Variants in TEAD4 observed in about 807,000 individuals in gnomAD.
TEAD4 encodes the protein transcriptional enhancer factor TEF-3.
In TEAD4, 36 loss-of-function variants were observed where a neutral mutation model predicts 52.4. The ratio of observed to expected loss-of-function variants is 0.69; its 90% CI spans 0.53 to 0.91. The LOEUF is 0.91. TEAD4 is among the 40% of genes least tolerant of loss of function. The pLI, the probability that TEAD4 is intolerant of heterozygous loss-of-function variation, is 0.00. For synonymous variants in TEAD4, 220 were observed against 231.0 expected, an observed-to-expected ratio of 0.95 and a Z score of 0.43; for missense variants, 508 against 583.9, an observed-to-expected ratio of 0.87 and a Z score of 1.34.
chr12:2,989,652 C>T (rs1380122983), intron 2 of TEAD4, among the ~76,000 whole-genome samples: 1 of 152,122 alleles, frequency 6.6e-6, no homozygotes, highest in Non-Finnish European at 1.5e-5. Flanking sequence ...GTTGCCCAGG[C>T]TGGTCTCAAA....
chr12:2,977,174 C>CT (rs1273335325), intron 2 of TEAD4, among the ~76,000 whole-genome samples: 2 of 152,280 alleles, frequency 1.3e-5, no homozygotes, highest in Non-Finnish European at 1.5e-5. Context: ...TGGGAGGACA[C>CT]TGAGGATTAG....
chr12:3,019,360 C>T (rs1406821637), intron 8 of TEAD4, among the ~76,000 whole-genome samples, 190 bp downstream of exon 8: 1 of 152,230 alleles, frequency 6.6e-6, no homozygotes, highest in Non-Finnish European at 1.5e-5. Flanking sequence ...AGCCGTGTGC[C>T]AAGCCCCTTC....
chr12:3,018,433 C>T, intron 6 of TEAD4, 112 bp from the exon 7 acceptor site: 1 of 1,297,264 alleles, frequency 7.7e-7, no homozygotes, highest in Non-Finnish European at 1.1e-6. Context: ...AGGCCTCGGG[C>T]TCCAGCCTCT....
At chr12:3,030,741 C>T (rs1270412238) in intron 10 of TEAD4, among the ~76,000 whole-genome samples, 1 of 152,126 alleles carries the variant, frequency 6.6e-6, no homozygotes, top group East Asian at 1.9e-4. Flanking sequence ...ATGGGGTGAC[C>T]TGTGTGCCAC....
In TEAD4 at chr12:2,960,332, C is replaced by A. The variant is rs897422294; in HGVS notation, c.-30+292C>A. 1.6e-5 allele frequency: 16 copies of A among 985,376 alleles called. No individual in the cohort carries two copies. In the African/African-American group the frequency reaches 2.6e-4, roughly 16 times the overall value. 61.0% of individuals were successfully genotyped at this position (985,376 alleles called of 1,614,324 possible). On this transcript the variant is annotated intron_variant, in intron 2 of 12. Transcript: ENST00000359864. The stretch of plus-strand genomic sequence containing the variant: ...TCTTTTCTGCTGGGCCCTTTTCGAG[C>A]CTGGAAGGGAGAGACCTGGAGGTAA...
In TEAD4 at chr12:2,978,402, T is replaced by G. The variant is rs923988227; in HGVS notation, c.-29-16336T>G. ...TTTTTTTTTTTTGTCTTTTTGTTTT[T>G]TTTTGTTTTGTTTTGTTTTGAGAGG... On this transcript the variant is annotated intron_variant, in intron 2 of 12. Coordinates refer to ENST00000359864, the MANE Select transcript of TEAD4 (RefSeq NM_003213.4). Among the ~76,000 whole-genome samples, 102 of 152,012 alleles carry G rather than the reference T, an allele frequency of 6.7e-4. 3 individuals carry two copies. Among genetic ancestry groups the G allele is most frequent in the Admixed American group, 3.9e-3 (59 of 15,264 alleles).
At chr12:3,037,051 G>A (rs2098279869) in intron 10 of TEAD4, among the ~76,000 whole-genome samples, 1 of 152,202 alleles carries the variant, frequency 6.6e-6, no homozygotes, top group African/African-American at 2.4e-5. Flanking sequence ...TTCTAGAAGG[G>A]AAGTTTCAGA....
At chr12:3,022,164 T>A in intron 10 of TEAD4, 147 bp downstream of exon 10, 1 of 1,125,470 alleles carries the variant, frequency 8.9e-7, no homozygotes, top group Admixed American at 2.4e-5. Flanking sequence ...CCAGCATGGC[T>A]ATGGGATGGT....
At chr12:2,962,365 C>T (rs112640780) in intron 2 of TEAD4, among the ~76,000 whole-genome samples, 1,372 of 47,672 alleles carry the variant, frequency 0.029, 32 homozygotes, top group African/African-American at 0.06. Context: ...GATGGAGTTT[C>T]GCTCTTGTTG....
chr12:3,017,447 C>T lies in TEAD4; in HGVS notation c.404C>T (p.Ser135Phe), dbSNP rs2098265393. 4 of 1,614,204 alleles carry T rather than the reference C, an allele frequency of 2.5e-6. No individual in the cohort carries two copies. The highest frequency in any genetic ancestry group is 3.4e-6 in the Non-Finnish European group (4 of 1,180,044). Residue 135 changes from serine (S) to phenylalanine (F), a missense_variant, in exon 6 of 13, where the codon TCT becomes TTT. Ser to Phe is a radical substitution (Grantham distance 155). Transcript: ENST00000359864. The stretch of plus-strand genomic sequence containing the variant: ...CTGCAGAGCATGGCTGCCATGTCGT[C>T]TGCACAGATCATCTCCGCCACGGCC...
At chr12:2,961,179 C>A in intron 2 of TEAD4, among the ~76,000 whole-genome samples, 1 of 151,988 alleles carries the variant, frequency 6.6e-6, no homozygotes, top group East Asian at 1.9e-4. Context: ...TTTTAAGTTG[C>A]CCTCAAGGAC....
Position 2,986,042 on chromosome 12 carries a change from C to T in TEAD4, c.-29-8696C>T, listed in dbSNP as rs184605820. On this transcript the variant is annotated intron_variant, in intron 2 of 12. Transcript: ENST00000359864. ...CAGAGGTTGCAGTGAGCTGAGATCG[C>T]GTCACTGCATTCCAGCCTGGGGAAC... 3.8e-4 allele frequency among the ~76,000 whole-genome samples: 57 copies of T among 151,886 alleles called. No homozygotes were observed. The South Asian group carries it at 9.4e-3, about 25-fold the overall frequency.
chr12:3,034,848 C>T (rs139433063), intron 10 of TEAD4, among the ~76,000 whole-genome samples: 1 of 152,256 alleles, frequency 6.6e-6, no homozygotes, highest in African/African-American at 2.4e-5. Flanking sequence ...AATCCCAACA[C>T]TTTGGGAGGC....
chr12:2,995,865 A>G (rs1466893017), intron 3 of TEAD4, among the ~76,000 whole-genome samples: 2 of 151,934 alleles, frequency 1.3e-5, no homozygotes, highest in Non-Finnish European at 2.9e-5. Flanking sequence ...AAAATTACCC[A>G]GGTTTGGTGG....
intron 4 of TEAD4, 120 bp from the exon 5 acceptor site, chr12:3,012,050 A>C: frequency 2.2e-6 from 2 of 917,290 alleles, no homozygotes; most frequent in Non-Finnish European, 3.4e-6. Context: ...CCTTTCATTC[A>C]TTCATTCATT....
At chr12:2,970,492 A>G (rs559063613) in intron 2 of TEAD4, among the ~76,000 whole-genome samples, 6 of 152,372 alleles carry the variant, frequency 3.9e-5, no homozygotes, top group Admixed American at 6.5e-5. Context: ...GTGTTTGTCA[A>G]ATAAATGACC....
chr12:2,990,258 T>A (rs1318924137), intron 2 of TEAD4, among the ~76,000 whole-genome samples: 1 of 152,164 alleles, frequency 6.6e-6, no homozygotes, highest in African/African-American at 2.4e-5. Context: ...TTACAATTCC[T>A]TATTTAGGTC....
At chr12:2,991,649 A>C (rs2098243054) in intron 2 of TEAD4, among the ~76,000 whole-genome samples, 1 of 152,102 alleles carries the variant, frequency 6.6e-6, no homozygotes, top group African/African-American at 2.4e-5. Flanking sequence ...GTGAAAGAGC[A>C]AGACTCCGTC....
chr12:2,973,952 C>T (rs566585753), intron 2 of TEAD4, among the ~76,000 whole-genome samples: 1 of 152,254 alleles, frequency 6.6e-6, no homozygotes, highest in African/African-American at 2.4e-5. Context: ...AGGGTGGGTC[C>T]TCTGGGATGG....
Sources: allele counts gnomAD v4.1 joint callset (sites outside exome capture counted in the v4.1 genomes callset), GRCh38; gene constraint gnomAD v4.1.1; transcripts MANE v1.5; gene names NCBI Gene and HGNC (gene_info 2026-07-23, HGNC 2026-07-21).